IL1R1: variants seen among roughly 807,000 people sequenced by gnomAD.
IL1R1 encodes the protein interleukin-1 receptor type 1.
IL1R1 carries 22 observed loss-of-function variants against 50.2 expected under a neutral mutation model. The observed-to-expected ratio is 0.44, with a 90% CI of 0.31 to 0.63. The LOEUF is 0.63. IL1R1 is among the 20% of genes least tolerant of loss of function. IL1R1 has a pLI of 0.07. For synonymous variants in IL1R1, 251 were observed against 236.7 expected (o/e 1.06, Z -0.55); for missense variants, 509 against 676.2 (o/e 0.75, Z 2.74).
chr2:102,122,628 C>T (rs954457272), intron 1 of IL1R1, among the ~76,000 whole-genome samples: 4 of 152,260 alleles, frequency 2.6e-5, no homozygotes, highest in Admixed American at 6.5e-5. Context: ...AGAAGGGCCT[C>T]GTGAAACCCA....
At position 102,112,311 on chromosome 2, in the gene IL1R1, C is replaced by CGTGTGT. The variant is rs146015817; in HGVS notation, c.-84+7461_-84+7466dup. On this transcript the variant is annotated intron_variant, in intron 1 of 10. Transcript: ENST00000409329. The stretch of plus-strand genomic sequence containing the variant: ...ATGGCCAGCACAGAGTGGGGATTAA[C>CGTGTGT]GTGTGTGTGTGTGTGTGTGTGTGTG... 7.2e-3 allele frequency among the ~76,000 whole-genome samples: 1,072 copies of CGTGTGT among 148,004 alleles called. 16 individuals carry two copies. Among genetic ancestry groups the CGTGTGT allele is most frequent in the East Asian group, 0.067 (331 of 4,960 alleles).
At chr2:102,122,304 G>C (rs1287326198) in intron 1 of IL1R1, among the ~76,000 whole-genome samples, 1 of 152,184 alleles carries the variant, frequency 6.6e-6, no homozygotes, top group African/African-American at 2.4e-5. Flanking sequence ...AACATAATGA[G>C]TGTGAGACAT....
At chr2:102,134,057 TC>T (rs1391321080) in intron 1 of IL1R1, among the ~76,000 whole-genome samples, 1 of 152,170 alleles carries the variant, frequency 6.6e-6, no homozygotes, top group East Asian at 1.9e-4. Flanking sequence ...GGTTATAAGA[TC>T]AATATACAAA....
At chr2:102,150,726 C>G (rs1220851314) in intron 1 of IL1R1, among the ~76,000 whole-genome samples, 2 of 152,110 alleles carry the variant, frequency 1.3e-5, no homozygotes, top group African/African-American at 4.8e-5. Flanking sequence ...CCAGCCTAGG[C>G]CTTGGGTCAC....
At chr2:102,136,374 ATTTTT>A (rs10664336) in intron 1 of IL1R1, among the ~76,000 whole-genome samples, 42 of 118,408 alleles carry the variant, frequency 3.5e-4, no homozygotes, top group Non-Finnish European at 6.1e-4. Flanking sequence ...GGATAACAGT[ATTTTT>A]TTTTTTTTTT....
chr2:102,070,495 C>A (rs759057939), exon 1 of IL1R1: 10 of 152,134 alleles, frequency 6.6e-5, no homozygotes, highest in Non-Finnish European at 1.3e-4. Flanking sequence ...GGCCAGAGGA[C>A]TGCCAAGGCT....
In IL1R1 at chr2:102,105,649, C is replaced by A. The variant is rs148011441; in HGVS notation, c.-84+777C>A. Among the ~76,000 whole-genome samples, 1,222 of 152,312 alleles carry A rather than the reference C, an allele frequency of 8.0e-3. 12 individuals carry two copies. The highest frequency in any genetic ancestry group is 0.02 in the Middle Eastern group (6 of 294). ...AAAGTGCTGGGATTACAGGCATGAG[C>A]CACCACGCCTGGCCTGAATGTGCTA... On this transcript the variant is annotated intron_variant, in intron 1 of 10. Coordinates refer to the IL1R1 transcript ENST00000409329.
intron 11 of IL1R1, 125 bp downstream of exon 11, chr2:102,175,770 A>G (rs1355082791): frequency 6.1e-6 from 5 of 822,412 alleles, no homozygotes; most frequent in Admixed American, 3.8e-5. Flanking sequence ...GAACCTCTTC[A>G]GAAGTGTATG....
chr2:102,097,649 A>G (rs989324537), intron 1 of IL1R1, among the ~76,000 whole-genome samples: 1 of 152,264 alleles, frequency 6.6e-6, no homozygotes, highest in African/African-American at 2.4e-5. Flanking sequence ...ATAAAAAAAC[A>G]AATTCCAAGA....
chr2:102,169,722 A>G (rs772596454), intron 7 of IL1R1, among the ~76,000 whole-genome samples: 1 of 152,260 alleles, frequency 6.6e-6, no homozygotes, highest in South Asian at 2.1e-4. Flanking sequence ...GGTGGTAGAA[A>G]GACATTCTTA....
At chr2:102,157,034 A>T (rs1011860875) in intron 2 of IL1R1, among the ~76,000 whole-genome samples, 5 of 152,172 alleles carry the variant, frequency 3.3e-5, no homozygotes, top group African/African-American at 1.2e-4. Flanking sequence ...ATTGCTCCTA[A>T]GGTTGAGCAG....
At chr2:102,129,703 C>T (rs1681926287) in intron 1 of IL1R1, among the ~76,000 whole-genome samples, 1 of 152,172 alleles carries the variant, frequency 6.6e-6, no homozygotes, top group Admixed American at 6.5e-5. Context: ...GACCTCTTGG[C>T]CTGCCCTTTC....
chr2:102,100,127 C>T (rs1226991069), upstream of IL1R1, among the ~76,000 whole-genome samples: 3 of 152,336 alleles, frequency 2.0e-5, no homozygotes, highest in East Asian at 1.9e-4. Context: ...ATCTGCACAT[C>T]GTCGGGTTCT....
intron 1 of IL1R1, among the ~76,000 whole-genome samples, chr2:102,085,736 A>G (rs1168192188): frequency 6.6e-6 from 1 of 152,162 alleles, no homozygotes; most frequent in South Asian, 2.1e-4. Context: ...GTCAATTCCC[A>G]CAAAATACCA....
At chr2:102,116,163 T>C (rs573285702) in intron 1 of IL1R1, among the ~76,000 whole-genome samples, 1 of 152,238 alleles carries the variant, frequency 6.6e-6, no homozygotes, top group Non-Finnish European at 1.5e-5. Flanking sequence ...TGTCCCCCAA[T>C]GCATTGCTGC....
At chr2:102,091,621 G>A (rs984595189) in intron 1 of IL1R1, among the ~76,000 whole-genome samples, 6 of 152,126 alleles carry the variant, frequency 3.9e-5, no homozygotes, top group East Asian at 1.9e-4. Context: ...ATTTTTATAC[G>A]TTGGGAATAT....
intron 1 of IL1R1, among the ~76,000 whole-genome samples, chr2:102,121,012 C>T (rs576006833): frequency 6.6e-6 from 1 of 152,178 alleles, no homozygotes; most frequent in Non-Finnish European, 1.5e-5. Flanking sequence ...GGGACTCTTC[C>T]TCTTGCTCCT....
chr2:102,119,874 A>T (rs1177389499), intron 1 of IL1R1, among the ~76,000 whole-genome samples: 1 of 152,184 alleles, frequency 6.6e-6, no homozygotes, highest in Admixed American at 6.5e-5. Context: ...CACTATAGTC[A>T]CCACGTTGTC....
At chr2:102,106,624 G>A (rs1361822642) in intron 1 of IL1R1, among the ~76,000 whole-genome samples, 2 of 152,148 alleles carry the variant, frequency 1.3e-5, no homozygotes, top group Non-Finnish European at 2.9e-5. Flanking sequence ...AGAGATAATA[G>A]TAAAAGACGA....
Sources: allele counts gnomAD v4.1 joint callset (sites outside exome capture counted in the v4.1 genomes callset), GRCh38; gene constraint gnomAD v4.1.1; transcripts MANE v1.5; gene names NCBI Gene and HGNC (gene_info 2026-07-23, HGNC 2026-07-21).